Variants in ABCG5 observed in about 807,000 individuals in gnomAD.
ABCG5 encodes ATP-binding cassette sub-family G member 5.
ABCG5 carries 64 observed loss-of-function variants against 64.5 expected under a neutral mutation model. That is an observed-to-expected ratio of 0.99 (90% CI 0.81 to 1.22). The LOEUF (loss-of-function observed/expected upper bound fraction) is 1.22. Among genes scored for constraint, ABCG5 ranks in the 50% most tolerant of loss-of-function variants. The pLI, the probability that ABCG5 is intolerant of heterozygous loss-of-function variation, is 0.00. For synonymous variants in ABCG5, 385 were observed against 326.3 expected, an observed-to-expected ratio of 1.18 and a Z score of -1.94; for missense variants, 908 against 829.5, an observed-to-expected ratio of 1.09 and a Z score of -1.16.
At chr2:43,824,708 CTCATTCTGATAG>C in intron 7 of ABCG5, 169 bp downstream of exon 7, 1 of 934,828 alleles carries the variant, frequency 1.1e-6, no homozygotes, top group Non-Finnish European at 1.3e-6. Context: ...GATCCCTGAC[CTCATTCTGATAG>C]TCATCTCTGG....
chr2:43,839,176 TTC>T, upstream of ABCG5: 1 of 1,524,290 alleles, frequency 6.6e-7, no homozygotes, highest in Non-Finnish European at 8.9e-7. Context: ...AATCAAACCT[TTC>T]TCTCTTCCCT....
chr2:43,813,708 CGTTTT>C (rs1328264060), intron 12 of ABCG5, among the ~76,000 whole-genome samples: 1,540 of 35,348 alleles, frequency 0.044, 44 homozygotes, highest in African/African-American at 0.12. Flanking sequence ...TTTTTTTTTT[CGTTTT>C]TTTTTTTTTT....
intron 5 of ABCG5, among the ~76,000 whole-genome samples, chr2:43,827,369 T>C (rs1178201878): frequency 1.3e-5 from 2 of 150,820 alleles, no homozygotes; most frequent in African/African-American, 4.9e-5. Flanking sequence ...AAAACATCTC[T>C]CTTATTTGCC....
chr2:43,822,967 A>G (rs1408467622), intron 9 of ABCG5, 32 bp from the exon 10 acceptor site: 1 of 1,612,266 alleles, frequency 6.2e-7, no homozygotes, highest in African/African-American at 1.3e-5. Flanking sequence ...CAGAACAGTC[A>G]GTCACCACCC....
chr2:43,828,980 A>T (rs1667804023), intron 4 of ABCG5, among the ~76,000 whole-genome samples: 1 of 151,994 alleles, frequency 6.6e-6, no homozygotes, highest in Non-Finnish European at 1.5e-5. Context: ...AAATAATAAT[A>T]AATAAATAAA....
At chr2:43,822,662 T>C in intron 10 of ABCG5, 135 bp downstream of exon 10, 1 of 1,551,962 alleles carries the variant, frequency 6.4e-7, no homozygotes, top group Non-Finnish European at 8.7e-7. Context: ...GATACGACAT[T>C]GCACTAGACA....
chr2:43,838,799 G>C lies in ABCG5; in HGVS notation c.-120C>G. Reference sequence around the variant, plus strand: ...GCTCCACCTGACCCCGGAGTCCCTTGGGACAGCAGGACTGGGACTTGGCCA... The same window carrying C: ...GCTCCACCTGACCCCGGAGTCCCTTCGGACAGCAGGACTGGGACTTGGCCA... On this transcript the variant is annotated 5_prime_UTR_variant, in exon 1 of 13. Coordinates refer to ENST00000405322, the MANE Select transcript of ABCG5 (RefSeq NM_022436.3). This position sits in a 1 kb window ranked among gnomAD's most constrained non-coding sequence, Gnocchi z 4.2. 6.5e-7 allele frequency: 1 copy of C among 1,538,030 alleles called. No homozygotes were observed. The highest frequency in any genetic ancestry group is 8.8e-7 in the Non-Finnish European group (1 of 1,137,094).
rs372772883 is a variant in ABCG5, at chr2:43,837,942, G to A, written c.157C>T (p.Pro53Ser). 1.9e-6 allele frequency: 3 copies of A among 1,613,934 alleles called. No individual in the cohort carries two copies. The African/African-American group carries it at 4.0e-5, about 22-fold the overall frequency. Residue 53 changes from proline to serine, a missense_variant, in exon 2 of 13, where the codon CCC becomes TCC. Physicochemically the swap from Pro to Ser is moderately conservative, Grantham distance 74. Coordinates refer to ENST00000405322, the MANE Select transcript of ABCG5 (RefSeq NM_022436.3). Reference sequence around the variant, plus strand: ...CGGCAAGATGTGATGTCCCACCAGGGCCTCACGCGGTGGCTTTAAAGGAAA... The same window carrying A: ...CGGCAAGATGTGATGTCCCACCAGGACCTCACGCGGTGGCTTTAAAGGAAA... ...ASYSVSHRVR[P>S]WWDITSCRQQ...
At chr2:43,829,045 G>A (rs934321649) in intron 4 of ABCG5, among the ~76,000 whole-genome samples, 1 of 151,994 alleles carries the variant, frequency 6.6e-6, no homozygotes, top group Non-Finnish European at 1.5e-5. Context: ...CTTGCTTCAG[G>A]AAAATTAACC....
At position 43,823,933 on chromosome 2, in the gene ABCG5, A is replaced by G. The variant is rs756162765; in HGVS notation, c.1304T>C (p.Met435Thr). ...CTTACACAGATTCACAGCGTTCAGC[A>G]TGCCTGTGTACGGGGTGGCGCCCAC... is the stretch of plus-strand genomic sequence containing the variant. Reference protein sequence around the residue: ...QFVGATPYTGMLNAVNLFPVL... With the variant: ...QFVGATPYTGTLNAVNLFPVL... The change falls in exon 9 of 13, where the codon ATG becomes ACG. Residue 435 changes from methionine (M) to threonine (T), a missense_variant. Physicochemically the swap from Met to Thr is moderately conservative, Grantham distance 81. Transcript: ENST00000405322. 5 of 1,614,194 alleles carry G rather than the reference A, an allele frequency of 3.1e-6. No individual in the cohort carries two copies. The highest frequency in any genetic ancestry group is 3.4e-6 in the Non-Finnish European group (4 of 1,180,030).
At position 43,838,624 on chromosome 2, in the gene ABCG5, C is replaced by A. The variant is rs745875586; in HGVS notation, c.56G>T (p.Arg19Ile). 9 of 1,613,348 alleles carry A rather than the reference C, an allele frequency of 5.6e-6. No homozygotes were observed. In the African/African-American group the frequency reaches 1.1e-4, roughly 19 times the overall value. The change falls in exon 1 of 13, where the codon AGA (arginine) becomes ATA (isoleucine). Residue 19 changes from arginine to isoleucine, a missense_variant. Transcript: ENST00000405322. This position sits in a 1 kb window ranked among gnomAD's most constrained non-coding sequence, Gnocchi z 4.2. ...CCCCTCCAGGGAGCTCTGGGAGCCT[C>A]TGTTTACTTGGAGACCCATGGACCC... ...PGGSMGLQVN[R>I]GSQSSLEGAP...
intron 4 of ABCG5, among the ~76,000 whole-genome samples, chr2:43,829,011 T>G (rs891629549): frequency 6.6e-6 from 1 of 151,832 alleles, no homozygotes; most frequent in Non-Finnish European, 1.5e-5. Flanking sequence ...AAAATAAGAT[T>G]CCCTAGAACA....
chr2:43,832,588 T>G (rs1668018725), intron 2 of ABCG5: 1 of 171,844 alleles, frequency 5.8e-6, no homozygotes, highest in Admixed American at 5.5e-5. Flanking sequence ...TTGCCAGAAA[T>G]GCAGAGCCTC....
chr2:43,806,797 G>C, the ABCG5 span, among the ~76,000 whole-genome samples: 9 of 152,180 alleles, frequency 5.9e-5, no homozygotes, highest in African/African-American at 2.2e-4. Context: ...ATTTTGTGTG[G>C]AAAAGGAAGG....
chr2:43,824,534 C>T lies in ABCG5; in HGVS notation c.905-102G>A, dbSNP rs1006096668. 9 of 1,591,996 alleles carry T rather than the reference C, an allele frequency of 5.7e-6. No individual in the cohort carries two copies. In the African/African-American group the frequency reaches 8.1e-5, roughly 14 times the overall value. ...GAGTACTGGCCATAATACCTCATCC[C>T]ATCAAGATAAAATTTGTGGTTAATG... On this transcript the variant is annotated intron_variant, in intron 7 of 12. Transcript: ENST00000405322.
rs1170758033 is a variant in ABCG5, at chr2:43,822,819, T to C, written c.1441A>G (p.Ile481Val). The C allele has an allele frequency of 6.2e-7, 1 of 1,613,966 alleles. No individual in the cohort carries two copies. The highest frequency in any genetic ancestry group is 2.2e-5 in the East Asian group (1 of 44,884). The change falls in exon 10 of 13, where the codon ATT becomes GTT. Residue 481 changes from isoleucine (I) to valine (V), a missense_variant. Physicochemically the swap from Ile to Val is conservative, Grantham distance 29. Transcript: ENST00000405322. ...VLPFSVVATM[I>V]FSSVCYWTLG... ...CACCAGTAGCACACACTGCTGAAAA[T>C]CATGGTGGCAACAACGCTGAAGGGG...
chr2:43,816,616 T>C (rs1250519447), intron 11 of ABCG5, among the ~76,000 whole-genome samples: 1 of 152,194 alleles, frequency 6.6e-6, no homozygotes, highest in Non-Finnish European at 1.5e-5. Context: ...TGATTTTGGC[T>C]CACTGCAGCC....
At chr2:43,818,463 C>G (rs1666988200) in intron 11 of ABCG5, among the ~76,000 whole-genome samples, 1 of 152,024 alleles carries the variant, frequency 6.6e-6, no homozygotes, top group African/African-American at 2.4e-5. Flanking sequence ...AAAACAAAAA[C>G]AAAATACGGT....
rs1667621728 is a variant in ABCG5, at chr2:43,826,603, C to A, written c.635-82G>T. On this transcript the variant is annotated intron_variant, in intron 5 of 12. Coordinates refer to ENST00000405322, the MANE Select transcript of ABCG5 (RefSeq NM_022436.3). Reference sequence around the variant, plus strand: ...TAAAACTCAGAGTTCTGAACTGTTCCTTATTGAGTTTGTACCCCATTCAAA... The same window carrying A: ...TAAAACTCAGAGTTCTGAACTGTTCATTATTGAGTTTGTACCCCATTCAAA... The A allele has an allele frequency of 7.5e-6, 12 of 1,596,112 alleles. No homozygotes were observed. In the Admixed American group the frequency reaches 2.0e-4, roughly 27 times the overall value.
Sources: allele counts gnomAD v4.1 joint callset (sites outside exome capture counted in the v4.1 genomes callset), GRCh38; gene constraint gnomAD v4.1.1; non-coding constraint Gnocchi (gnomAD v3.1); transcripts MANE v1.5; gene names NCBI Gene and HGNC (gene_info 2026-07-23, HGNC 2026-07-21).